Variants in LRRIQ3 observed in about 807,000 individuals in gnomAD.
LRRIQ3 encodes the protein leucine-rich repeat and IQ domain-containing protein 3.
Under a neutral mutation model 59.3 loss-of-function variants are expected in LRRIQ3, and 75 were observed. The observed-to-expected ratio is 1.26, with a 90% CI of 1.05 to 1.53. The LOEUF is 1.53. LRRIQ3 is among the 40% of genes most tolerant of loss of function. The pLI is 0.00. For missense variants in LRRIQ3, 831 were observed against 710.0 expected (o/e 1.17, Z -1.94); for synonymous variants, 250 against 231.3 (o/e 1.08, Z -0.73).
chr1:74,141,209 T>C (rs1245804576), intron 4 of LRRIQ3, among the ~76,000 whole-genome samples: 3 of 151,790 alleles, frequency 2.0e-5, no homozygotes, highest in Non-Finnish European at 4.4e-5. Context: ...TGGAACTAGG[T>C]TTTCTTTGGC....
chr1:74,182,965 G>T, intron 2 of LRRIQ3, 104 bp from the exon 3 acceptor site: 1 of 603,978 alleles, frequency 1.7e-6, no homozygotes, highest in Non-Finnish European at 2.6e-6. Flanking sequence ...TCCCCAAATA[G>T]CAAGTTTCTA....
At chr1:74,106,516 A>G (rs564238971) in intron 5 of LRRIQ3, among the ~76,000 whole-genome samples, 3 of 152,116 alleles carry the variant, frequency 2.0e-5, no homozygotes, top group South Asian at 2.1e-4. Context: ...AAATATAGGA[A>G]GTAGATGAAA....
At chr1:74,169,023 G>T (rs1205862229) in intron 3 of LRRIQ3, among the ~76,000 whole-genome samples, 1 of 152,090 alleles carries the variant, frequency 6.6e-6, no homozygotes, top group Non-Finnish European at 1.5e-5. Flanking sequence ...CAATTTGTAG[G>T]AACTTCCTCA....
intron 3 of LRRIQ3, among the ~76,000 whole-genome samples, chr1:74,171,909 T>C (rs561499506): frequency 6.6e-6 from 1 of 152,260 alleles, no homozygotes; most frequent in East Asian, 1.9e-4. Flanking sequence ...GTCCACTTTG[T>C]TGGAGTATGT....
intron 4 of LRRIQ3, among the ~76,000 whole-genome samples, chr1:74,131,721 T>C (rs534224861): frequency 6.6e-6 from 1 of 152,292 alleles, no homozygotes; most frequent in Non-Finnish European, 1.5e-5. Context: ...TGATGAGATG[T>C]ATCTCAAAAT....
chr1:74,135,934 T>A (rs1458466025), intron 4 of LRRIQ3, among the ~76,000 whole-genome samples: 1 of 151,624 alleles, frequency 6.6e-6, no homozygotes, highest in Non-Finnish European at 1.5e-5. Flanking sequence ...AGAAAAATAG[T>A]AGAGAAAATT....
chr1:74,177,351 C>T (rs1649705267), intron 3 of LRRIQ3, among the ~76,000 whole-genome samples: 1 of 152,136 alleles, frequency 6.6e-6, no homozygotes, highest in Admixed American at 6.6e-5. Context: ...CAGACTGGAT[C>T]TCCTTGCTCC....
chr1:74,098,070 G>A (rs1646473069), intron 5 of LRRIQ3, among the ~76,000 whole-genome samples: 1 of 152,110 alleles, frequency 6.6e-6, no homozygotes, highest in Non-Finnish European at 1.5e-5. Context: ...AACCTTAAAT[G>A]TAAATGGGCT....
intron 1 of LRRIQ3, among the ~76,000 whole-genome samples, chr1:74,194,263 C>T (rs1256426677): frequency 2.0e-5 from 3 of 152,010 alleles, no homozygotes; most frequent in African/African-American, 7.2e-5. Flanking sequence ...AATTTTATAT[C>T]ACAGAAAAAA....
At chr1:74,070,087 A>C (rs1654978454) in intron 6 of LRRIQ3, among the ~76,000 whole-genome samples, 1 of 152,114 alleles carries the variant, frequency 6.6e-6, no homozygotes, top group Non-Finnish European at 1.5e-5. Context: ...ATAAAACTTC[A>C]GAATTACTAT....
At chr1:74,108,274 C>A (rs1429149994) in intron 5 of LRRIQ3, among the ~76,000 whole-genome samples, 1 of 151,674 alleles carries the variant, frequency 6.6e-6, no homozygotes, top group Non-Finnish European at 1.5e-5. Flanking sequence ...GCTCTGAAAT[C>A]CAGTGATTTT....
rs999618391 is a variant in LRRIQ3 at position 74,138,628 on chromosome 1, G to A, written c.707+17105C>T. 7 of 264,202 alleles carry A rather than the reference G, an allele frequency of 2.6e-5. No individual in the cohort carries two copies. The East Asian group carries it at 5.3e-4, about 20-fold the overall frequency. 16.4% of individuals were successfully genotyped at this position (264,202 alleles called of 1,614,324 possible). On this transcript the variant is annotated intron_variant, in intron 4 of 7. Coordinates refer to ENST00000354431, the MANE Select transcript of LRRIQ3 (RefSeq NM_001105659.2). The stretch of plus-strand genomic sequence containing the variant: ...GGCTGCTTTCAAGAAAGCAGCCAGC[G>A]AAGACTGTATTTTGAAACAAGTGGA...
chr1:74,103,752 T>C (rs1646566282), intron 5 of LRRIQ3, among the ~76,000 whole-genome samples: 1 of 151,760 alleles, frequency 6.6e-6, no homozygotes, highest in African/African-American at 2.4e-5. Context: ...TTTTGGCTTG[T>C]AATATTATGG....
At chr1:74,057,771 A>T (rs566315698) in intron 6 of LRRIQ3, among the ~76,000 whole-genome samples, 1 of 152,310 alleles carries the variant, frequency 6.6e-6, no homozygotes, top group South Asian at 2.1e-4. Flanking sequence ...AAGCTGCTGC[A>T]CAGCAAAGGA....
At chr1:74,187,998 G>A (rs1261255968) in intron 1 of LRRIQ3, among the ~76,000 whole-genome samples, 2 of 152,080 alleles carry the variant, frequency 1.3e-5, no homozygotes, top group Non-Finnish European at 2.9e-5. Flanking sequence ...ATTCACAATA[G>A]CAAACACATG....
intron 3 of LRRIQ3, among the ~76,000 whole-genome samples, chr1:74,177,692 C>T (rs974651580): frequency 1.9e-4 from 29 of 151,370 alleles, no homozygotes; most frequent in Non-Finnish European, 5.9e-5. Context: ...TTTTAAGGAA[C>T]ATATATTTTA....
At chr1:74,070,045 C>T (rs1654977371) in intron 6 of LRRIQ3, among the ~76,000 whole-genome samples, 1 of 151,934 alleles carries the variant, frequency 6.6e-6, no homozygotes, top group Admixed American at 6.6e-5. Context: ...ATTAGTTCAC[C>T]CACTATGGGA....
At chr1:74,110,187 G>A (rs1646675603) in intron 4 of LRRIQ3, among the ~76,000 whole-genome samples, 1 of 151,642 alleles carries the variant, frequency 6.6e-6, no homozygotes, top group African/African-American at 2.4e-5. Flanking sequence ...AAAACTACAT[G>A]TTTTCCCTCT....
At chr1:74,156,084 G>A (rs1648306844) in intron 3 of LRRIQ3, among the ~76,000 whole-genome samples, 1 of 152,110 alleles carries the variant, frequency 6.6e-6, no homozygotes, top group Admixed American at 6.5e-5. Flanking sequence ...GCTTGTGGGA[G>A]GTATTGGATC....
Sources: gnomAD v4.1 joint callset for allele counts (sites outside exome capture counted in the v4.1 genomes callset) on GRCh38, gnomAD v4.1.1 for gene constraint, MANE v1.5 for transcripts, NCBI Gene and HGNC (gene_info 2026-07-23, HGNC 2026-07-21) for gene names.